CALN1: variants seen among roughly 807,000 people sequenced by gnomAD.
CALN1 encodes the protein calcium-binding protein 8.
Under a neutral mutation model 30.6 loss-of-function variants are expected in CALN1, and 17 were observed. The ratio of observed to expected loss-of-function variants is 0.56; its 90% confidence interval spans 0.38 to 0.83. The LOEUF is 0.83. CALN1 is among the 40% of genes least tolerant of loss of function. CALN1 has a pLI of 0.00. For missense variants in CALN1, 291 were observed against 354.9 expected, an observed-to-expected ratio of 0.82 and a Z score of 1.45; for synonymous variants, 156 against 131.4, an observed-to-expected ratio of 1.19 and a Z score of -1.28.
At chr7:71,886,322 G>A (rs1399747058) in intron 5 of CALN1, among the ~76,000 whole-genome samples, 1 of 152,242 alleles carries the variant, frequency 6.6e-6, no homozygotes, top group Non-Finnish European at 1.5e-5. Context: ...AAGTGCCCTG[G>A]AAGGGATTTT....
intron 2 of CALN1, among the ~76,000 whole-genome samples, chr7:72,371,136 T>C (rs905627960): frequency 2.0e-5 from 3 of 152,234 alleles, no homozygotes; most frequent in African/African-American, 7.2e-5. Flanking sequence ...TTTGGTGTCC[T>C]ATTTTTAAAA....
chr7:71,974,417 CAAAAAAAAAAAAA>C (rs1052896558), intron 5 of CALN1, among the ~76,000 whole-genome samples: 4 of 55,046 alleles, frequency 7.3e-5, no homozygotes, highest in Non-Finnish European at 7.7e-5. Flanking sequence ...GACTCCATCT[CAAAAAAAAAAAAA>C]AAAAAAAAAA....
rs1797839188 is a variant in CALN1 at position 71,971,953 on chromosome 7, A to AAAAAGAAAGAAAGAAAG, written c.501+51703_501+51704insCTTTCTTTCTTTCTTTT. Among the ~76,000 whole-genome samples, 59 of 72,778 alleles carry AAAAAGAAAGAAAGAAAG rather than the reference A, an allele frequency of 8.1e-4. 1 individual carries two copies. The highest frequency in any genetic ancestry group is 4.1e-3 in the African/African-American group (58 of 14,164). 47.7% of individuals were successfully genotyped at this position (72,778 alleles called of 152,430 possible). A position where few individuals can be genotyped will look rare whatever the true frequency, so the allele number is the denominator to read the frequency against. ...CTCAAAAAAAAAAAAAAAAAAAAAA[A>AAAAAGAAAGAAAGAAAG]AAAGAAAGAAAGAAAGAAAGAAAGA... On this transcript the variant is annotated intron_variant, in intron 5 of 6. Transcript: ENST00000395275.
intron 1 of CALN1, among the ~76,000 whole-genome samples, chr7:72,408,240 C>T (rs1029027253): frequency 6.7e-6 from 1 of 149,530 alleles, no homozygotes; most frequent in African/African-American, 2.5e-5. Flanking sequence ...TGAGCCCAGC[C>T]TGGCCAACAT....
chr7:71,791,040 A>G (rs987022042), intron 6 of CALN1, among the ~76,000 whole-genome samples: 2 of 152,208 alleles, frequency 1.3e-5, no homozygotes, highest in Admixed American at 1.3e-4. Flanking sequence ...CCTTGATGTG[A>G]AGTGGCTCAT....
chr7:72,081,302 A>G (rs1805118695), intron 4 of CALN1, among the ~76,000 whole-genome samples: 1 of 151,888 alleles, frequency 6.6e-6, no homozygotes, highest in South Asian at 2.1e-4. Context: ...AAGCCAAAAG[A>G]AACTAGGGGA....
chr7:72,032,002 C>T (rs1378376113), intron 4 of CALN1, among the ~76,000 whole-genome samples: 3 of 151,376 alleles, frequency 2.0e-5, no homozygotes, highest in African/African-American at 7.3e-5. Context: ...CCTCCTCCAC[C>T]TCCCAAAGTG....
At chr7:72,408,270 T>TAAAA (rs34402288) in intron 1 of CALN1, among the ~76,000 whole-genome samples, 20 of 129,442 alleles carry the variant, frequency 1.5e-4, no homozygotes, top group South Asian at 5.4e-4. Flanking sequence ...CCATCTCTAT[T>TAAAA]AAAAAAAAAA....
intron 6 of CALN1, among the ~76,000 whole-genome samples, chr7:71,802,187 G>A (rs1340229345): frequency 6.6e-6 from 1 of 152,052 alleles, no homozygotes; most frequent in African/African-American, 2.4e-5. Flanking sequence ...TGTCATGGGA[G>A]CACTTAATAA....
chr7:72,052,311 G>A (rs996101142), intron 4 of CALN1, among the ~76,000 whole-genome samples: 1 of 152,266 alleles, frequency 6.6e-6, no homozygotes, highest in African/African-American at 2.4e-5. Flanking sequence ...CCGACAAGTC[G>A]CCTCCGGAGT....
intron 4 of CALN1, among the ~76,000 whole-genome samples, chr7:72,073,510 A>G (rs929592639): frequency 6.6e-6 from 1 of 152,178 alleles, no homozygotes; most frequent in African/African-American, 2.4e-5. Context: ...AAAACCTACA[A>G]TTTCAGACTA....
At chr7:72,311,235 T>A (rs527724923) in intron 2 of CALN1, among the ~76,000 whole-genome samples, 1 of 152,204 alleles carries the variant, frequency 6.6e-6, no homozygotes, top group Non-Finnish European at 1.5e-5. Flanking sequence ...GTTTCCTTAA[T>A]AACATTTTCT....
At chr7:72,203,975 C>CTT (rs1562730767) in intron 3 of CALN1, among the ~76,000 whole-genome samples, 13 of 101,582 alleles carry the variant, frequency 1.3e-4, no homozygotes, top group African/African-American at 6.4e-4. Context: ...TAAGAGGCCT[C>CTT]TCTCTTTTTT....
chr7:72,099,099 G>A (rs1806457705), intron 4 of CALN1, among the ~76,000 whole-genome samples: 1 of 152,116 alleles, frequency 6.6e-6, no homozygotes, highest in South Asian at 2.1e-4. Context: ...GGGCAAAGCG[G>A]CAGGGACCCC....
At chr7:72,494,737 C>T in the CALN1 span, among the ~76,000 whole-genome samples, 2 of 152,036 alleles carry the variant, frequency 1.3e-5, no homozygotes, top group Non-Finnish European at 2.9e-5. Flanking sequence ...TATAGTTGGG[C>T]ACACCTGCAG....
intron 5 of CALN1, among the ~76,000 whole-genome samples, chr7:71,939,672 T>C (rs1796023581): frequency 6.6e-6 from 1 of 152,076 alleles, no homozygotes; most frequent in Admixed American, 6.5e-5. Flanking sequence ...GTAATTTGCC[T>C]AAATACACTG....
At chr7:72,377,055 T>C (rs551073270) in intron 2 of CALN1, among the ~76,000 whole-genome samples, 1 of 152,382 alleles carries the variant, frequency 6.6e-6, no homozygotes, top group South Asian at 2.1e-4. Flanking sequence ...TATATTTTTA[T>C]ACTTATGCCA....
At chr7:72,325,340 C>A (rs1029226386) in intron 2 of CALN1, among the ~76,000 whole-genome samples, 1 of 152,102 alleles carries the variant, frequency 6.6e-6, no homozygotes, top group African/African-American at 2.4e-5. Flanking sequence ...GTGGCTCATG[C>A]CTGTAATTCC....
intron 1 of CALN1, among the ~76,000 whole-genome samples, chr7:72,436,873 T>C (rs1808177012): frequency 6.6e-6 from 1 of 152,058 alleles, no homozygotes; most frequent in African/African-American, 2.4e-5. Flanking sequence ...AACCTCTAGA[T>C]GAGCCTGGGC....
Sources: gnomAD v4.1 joint callset for allele counts (sites outside exome capture counted in the v4.1 genomes callset) on GRCh38, gnomAD v4.1.1 for gene constraint, MANE v1.5 for transcripts, NCBI Gene and HGNC (gene_info 2026-07-23, HGNC 2026-07-21) for gene names.